The following SLC14A2 variants were observed in gnomAD, a reference collection of about 807,000 sequenced individuals.
The protein encoded by SLC14A2 is solute carrier family 14 member 2.
A neutral mutation model predicts 104.6 loss-of-function variants in SLC14A2; 91 were observed. The ratio of observed to expected loss-of-function variants is 0.87; its 90% CI spans 0.73 to 1.04. SLC14A2 has a LOEUF of 1.04. SLC14A2 is among the 50% of genes least tolerant of loss of function. SLC14A2 has a pLI of 0.00. For missense variants in SLC14A2, 1,189 were observed against 1,156.0 expected (o/e 1.03, Z -0.41); for synonymous variants, 476 against 466.4 (o/e 1.02, Z -0.27).
chr18:45,664,235 T>G (rs1370085648), intron 11 of SLC14A2, among the ~76,000 whole-genome samples: 2 of 152,178 alleles, frequency 1.3e-5, no homozygotes, highest in African/African-American at 4.8e-5. Flanking sequence ...TCTAAAGCTC[T>G]CCAGGAGATT....
chr18:45,489,316 G>C (rs1405665878), intron 2 of SLC14A2, among the ~76,000 whole-genome samples: 1 of 152,092 alleles, frequency 6.6e-6, no homozygotes, highest in Admixed American at 6.6e-5. Context: ...TTCAAGACCA[G>C]CCTGGCCAAC....
chr18:45,238,806 T>C (rs934891036), intron 1 of SLC14A2, among the ~76,000 whole-genome samples: 14 of 152,176 alleles, frequency 9.2e-5, no homozygotes, highest in African/African-American at 2.9e-4. Flanking sequence ...TAATTTCACA[T>C]TGTATTTTAA....
chr18:45,297,349 G>A (rs187137548), intron 1 of SLC14A2, among the ~76,000 whole-genome samples: 66 of 152,346 alleles, frequency 4.3e-4, no homozygotes, highest in Non-Finnish European at 7.2e-4. Context: ...ATGAATGACA[G>A]AGCTGGCATC....
chr18:45,252,775 A>C (rs2084436079), intron 1 of SLC14A2, among the ~76,000 whole-genome samples: 1 of 149,360 alleles, frequency 6.7e-6, no homozygotes, highest in African/African-American at 2.5e-5. Context: ...GGTGCAACAT[A>C]CTCATAGCAA....
At position 45,503,327 on chromosome 18, in the gene SLC14A2, G is replaced by A. The variant is rs1243382684; in HGVS notation, c.-35+20005G>A. 2.6e-5 allele frequency among the ~76,000 whole-genome samples: 4 copies of A among 152,220 alleles called. No individual in the cohort carries two copies. In the Middle Eastern group the frequency reaches 0.01, roughly 388 times the overall value. On this transcript the variant is annotated intron_variant, in intron 2 of 20. Transcript: ENST00000586448. ...CAAGCTCTACAAGGGGTCTCTCCAC[G>A]TTATGTACATTAACCAAAATGGGGT...
Position 45,594,104 on chromosome 18 carries a change from A to G in SLC14A2, c.-34-30527A>G, listed in dbSNP as rs542910013. Among the ~76,000 whole-genome samples the G allele has an allele frequency of 1.6e-4, 25 of 152,284 alleles. No individual in the cohort carries two copies. In the East Asian group the frequency reaches 4.2e-3, roughly 26 times the overall value. On this transcript the variant is annotated intron_variant, in intron 2 of 20. Transcript: ENST00000586448. The stretch of plus-strand genomic sequence containing the variant: ...GAATGAGGAGAGGACCTTGAATACT[A>G]GAGCACAGGGTGCTGGGAGGATACA...
At chr18:45,249,335 T>C (rs1018146854) in intron 1 of SLC14A2, among the ~76,000 whole-genome samples, 1 of 151,978 alleles carries the variant, frequency 6.6e-6, no homozygotes, top group Non-Finnish European at 1.5e-5. Context: ...GGAGTATTGC[T>C]AACTGTGTGT....
chr18:45,245,347 G>C (rs1480232237), intron 1 of SLC14A2, among the ~76,000 whole-genome samples: 1 of 152,152 alleles, frequency 6.6e-6, no homozygotes. Flanking sequence ...AGTCTGTGAG[G>C]TCTCCACTGT....
chr18:45,271,209 G>A (rs1022328979), intron 1 of SLC14A2, among the ~76,000 whole-genome samples: 1 of 152,160 alleles, frequency 6.6e-6, no homozygotes, highest in Non-Finnish European at 1.5e-5. Flanking sequence ...TCTTATCTGA[G>A]CAAGTAATGC....
intron 10 of SLC14A2, among the ~76,000 whole-genome samples, chr18:45,653,896 A>T (rs1248114598): frequency 6.6e-6 from 1 of 152,236 alleles, no homozygotes; most frequent in East Asian, 1.9e-4. Context: ...GTGGGAAGGC[A>T]AATTGGCCCC....
At chr18:45,512,768 ATCTG>A (rs1234654240) in intron 2 of SLC14A2, among the ~76,000 whole-genome samples, 1 of 152,150 alleles carries the variant, frequency 6.6e-6, no homozygotes, top group Non-Finnish European at 1.5e-5. Context: ...TGCCTGCAAA[ATCTG>A]TCTTAGAGGA....
At chr18:45,503,490 G>A (rs2043231685) in intron 2 of SLC14A2, among the ~76,000 whole-genome samples, 1 of 152,000 alleles carries the variant, frequency 6.6e-6, no homozygotes, top group Non-Finnish European at 1.5e-5. Context: ...TTTTCTGTTT[G>A]CCATTGTAAC....
chr18:45,546,713 C>T (rs1239166847), intron 2 of SLC14A2, among the ~76,000 whole-genome samples: 1 of 152,132 alleles, frequency 6.6e-6, no homozygotes, highest in East Asian at 1.9e-4. Flanking sequence ...AACTTCTGTG[C>T]CTCAATTTCC....
intron 1 of SLC14A2, among the ~76,000 whole-genome samples, chr18:45,459,405 A>G (rs1568217240): frequency 6.6e-6 from 1 of 152,184 alleles, no homozygotes; most frequent in Non-Finnish European, 1.5e-5. Flanking sequence ...CCTATTTCAA[A>G]GAGACTTTAC....
chr18:45,457,007 AC>A, intron 1 of SLC14A2, among the ~76,000 whole-genome samples: 2 of 152,228 alleles, frequency 1.3e-5, no homozygotes, highest in Non-Finnish European at 2.9e-5. Flanking sequence ...AGATACAGGG[AC>A]CTGGAGACCT....
intron 1 of SLC14A2, among the ~76,000 whole-genome samples, chr18:45,342,685 G>A (rs994560670): frequency 1.3e-5 from 2 of 152,174 alleles, no homozygotes; most frequent in African/African-American, 4.8e-5. Context: ...TGACTAGGAT[G>A]GAGAAATTCA....
At chr18:45,407,608 A>C (rs891757989) in intron 1 of SLC14A2, among the ~76,000 whole-genome samples, 6 of 152,198 alleles carry the variant, frequency 3.9e-5, no homozygotes, top group African/African-American at 1.4e-4. Flanking sequence ...TTGACACGCC[A>C]TCCTCAAAAA....
chr18:45,486,303 G>C (rs1007778870), intron 2 of SLC14A2, among the ~76,000 whole-genome samples: 1 of 151,538 alleles, frequency 6.6e-6, no homozygotes, highest in South Asian at 2.1e-4. Flanking sequence ...GGGTTTATAA[G>C]TATTTTAATT....
chr18:45,518,463 A>G (rs1302502315), intron 2 of SLC14A2, among the ~76,000 whole-genome samples: 1 of 152,226 alleles, frequency 6.6e-6, no homozygotes, highest in Admixed American at 6.5e-5. Context: ...CAGCATAGAC[A>G]CTGGTGGAAA....
Sources: gnomAD v4.1 joint callset for allele counts (sites outside exome capture counted in the v4.1 genomes callset) on GRCh38, gnomAD v4.1.1 for gene constraint, MANE v1.5 for transcripts, NCBI Gene and HGNC (gene_info 2026-07-23, HGNC 2026-07-21) for gene names.